The following RBM44 variants were observed in gnomAD, a reference collection of about 807,000 sequenced individuals.
RBM44 encodes the protein RNA binding motif protein 44, also known as RNA-binding protein 44.
In RBM44, 66 loss-of-function variants were observed where a neutral mutation model predicts 105.1. That is an observed-to-expected ratio of 0.63 (90% CI 0.52 to 0.77). The LOEUF (loss-of-function observed/expected upper bound fraction) is 0.77. Ranked by LOEUF, RBM44 falls within the 30% of genes least tolerant of loss-of-function variation. The pLI is 0.00. For missense variants in RBM44, 1,122 were observed against 1,207.8 expected, an observed-to-expected ratio of 0.93 and a Z score of 1.05; for synonymous variants, 365 against 417.6, an observed-to-expected ratio of 0.87 and a Z score of 1.54.
At chr2:237,822,769 T>C (rs1442898825) in intron 8 of RBM44, among the ~76,000 whole-genome samples, 2 of 152,074 alleles carry the variant, frequency 1.3e-5, no homozygotes, top group Non-Finnish European at 2.9e-5. Context: ...TTTATAATCT[T>C]GGTTTTGGCT....
chr2:237,820,419 G>A, intron 5 of RBM44, 68 bp downstream of exon 5: 1 of 969,336 alleles, frequency 1.0e-6, no homozygotes, highest in Non-Finnish European at 1.5e-6. Flanking sequence ...ATTCTAGAGA[G>A]TTTCTCTAAT....
Position 237,834,322 on chromosome 2 carries a change from A to C in RBM44, c.3077A>C (p.Lys1026Thr), listed in dbSNP as rs542544662. ...NALQEVRIRHKGFLNGLSITT... is the reference protein window; with the variant it reads ...NALQEVRIRHTGFLNGLSITT... ...CTTCAGGAAGTGAGAATAAGACATAAAGGTTTTCTGAATGGCTTATCTATT... is the reference window on the plus strand; with the variant it reads ...CTTCAGGAAGTGAGAATAAGACATACAGGTTTTCTGAATGGCTTATCTATT... The change falls in exon 15 of 16, where the codon AAA (lysine) becomes ACA (threonine). Residue 1026 changes from lysine (K) to threonine (T), a missense_variant. Lys to Thr is a moderately conservative substitution (Grantham distance 78). Transcript: ENST00000316997. 50 of 1,576,962 alleles carry C rather than the reference A, an allele frequency of 3.2e-5. No homozygotes were observed. In the East Asian group the frequency reaches 1.0e-3, roughly 33 times the overall value.
rs548429761 is a variant in RBM44, at chr2:237,841,513, C to A, written c.*23-326C>A. Among the ~76,000 whole-genome samples the A allele has an allele frequency of 1.6e-3, 244 of 152,228 alleles. 2 individuals are homozygous for A. The highest frequency in any genetic ancestry group is 3.0e-3 in the Non-Finnish European group (207 of 68,016). ...GAAATAATCTATACACTAAACCCTG[C>A]AACATGTAATTTATCTATATCGATA... is the stretch of plus-strand genomic sequence containing the variant. On this transcript the variant is annotated intron_variant, in intron 15 of 15. Coordinates refer to ENST00000316997, the MANE Select transcript of RBM44 (RefSeq NM_001080504.3). This position sits in a 1 kb window ranked among gnomAD's most constrained non-coding sequence, Gnocchi z 4.5.
At chr2:237,802,251 G>T (rs956990089) in intron 1 of RBM44, among the ~76,000 whole-genome samples, 3 of 152,140 alleles carry the variant, frequency 2.0e-5, no homozygotes, top group Admixed American at 1.3e-4. Context: ...ATTACTTAGG[G>T]CAGGGGTTCC....
At chr2:237,836,479 C>A (rs1297675704) in intron 15 of RBM44, among the ~76,000 whole-genome samples, 2 of 152,196 alleles carry the variant, frequency 1.3e-5, no homozygotes, top group Non-Finnish European at 2.9e-5. Context: ...CTGCTACTTT[C>A]TTTTTAAATT....
intron 15 of RBM44, among the ~76,000 whole-genome samples, chr2:237,839,442 T>C (rs1285679103): frequency 6.6e-6 from 1 of 152,144 alleles, no homozygotes; most frequent in East Asian, 1.9e-4. Flanking sequence ...ATCTAATTTT[T>C]GTGTTTTTAG....
Position 237,827,521 on chromosome 2 carries a change from A to T in RBM44, c.2600+18A>T. On this transcript the variant is annotated intron_variant, in intron 12 of 15. Coordinates refer to ENST00000316997, the MANE Select transcript of RBM44 (RefSeq NM_001080504.3). ...AATTACAGGTGTGTTTCCCAACTTT[A>T]ATCAATGTGCATTATTATGTGTCTG... 7.6e-7 allele frequency: 1 copy of T among 1,319,728 alleles called. No homozygotes were observed. The highest frequency in any genetic ancestry group is 1.1e-6 in the Non-Finnish European group (1 of 942,434). 81.8% of individuals were successfully genotyped at this position (1,319,728 alleles called of 1,614,324 possible).
chr2:237,825,276 G>A (rs1263185354), intron 10 of RBM44, among the ~76,000 whole-genome samples: 1 of 151,992 alleles, frequency 6.6e-6, no homozygotes, highest in African/African-American at 2.4e-5. Context: ...AGGCTGGAGT[G>A]GGTGGCACTA....
chr2:237,837,894 T>A (rs2061975514), intron 15 of RBM44, among the ~76,000 whole-genome samples: 1 of 151,376 alleles, frequency 6.6e-6, no homozygotes, highest in African/African-American at 2.4e-5. Context: ...TTTGGAATAG[T>A]ACATAAACTT....
At chr2:237,838,346 G>T (rs950254282) in intron 15 of RBM44, among the ~76,000 whole-genome samples, 1 of 152,022 alleles carries the variant, frequency 6.6e-6, no homozygotes, top group Non-Finnish European at 1.5e-5. Context: ...AAAAAACTAA[G>T]ATAATTTGTT....
intron 8 of RBM44, among the ~76,000 whole-genome samples, chr2:237,822,059 A>G (rs540945359): frequency 6.6e-6 from 1 of 152,174 alleles, no homozygotes; most frequent in Admixed American, 6.6e-5. Flanking sequence ...ACACCACACC[A>G]GGAGACTTTT....
At position 237,817,071 on chromosome 2, in the gene RBM44, A is replaced by G. The variant is rs1576504020; in HGVS notation, c.152A>G (p.Asp51Gly). ...GCDEVKLTFP[D>G]DDWNSSTLEQ... Reference sequence around the variant, plus strand: ...GATGAAGTCAAATTGACTTTTCCTGATGATGACTGGAATTCTTCGACACTA... The same window carrying G: ...GATGAAGTCAAATTGACTTTTCCTGGTGATGACTGGAATTCTTCGACACTA... The change falls in exon 3 of 16, where the codon GAT becomes GGT. Residue 51 changes from aspartate (D) to glycine (G), a missense_variant. This residue lies in a region of RBM44 where 918 missense variants were observed against 955.3 expected (regional missense o/e 0.96). Coordinates refer to ENST00000316997, the MANE Select transcript of RBM44 (RefSeq NM_001080504.3). 1.2e-6 allele frequency: 2 copies of G among 1,600,488 alleles called. No homozygotes were observed. The highest frequency in any genetic ancestry group is 1.7e-6 in the Non-Finnish European group (2 of 1,174,684).
intron 12 of RBM44, 138 bp downstream of exon 12, chr2:237,827,641 T>C: frequency 4.9e-6 from 3 of 615,544 alleles, no homozygotes; most frequent in Non-Finnish European, 5.8e-6. Flanking sequence ...GAAGGGGACA[T>C]AGGGACAAAT....
rs188723077 is a variant in RBM44, at chr2:237,842,490, A to G, written c.*674A>G. 64 of 152,200 alleles carry G rather than the reference A, an allele frequency of 4.2e-4. 1 individual carries two copies. The highest frequency in any genetic ancestry group is 1.3e-3 in the African/African-American group (55 of 41,562). The allele number at this position is 152,200 out of a possible 1,614,324, so 9.4% of individuals were successfully genotyped here. A position where few individuals can be genotyped will look rare whatever the true frequency, so the allele number is the denominator to read the frequency against. ...GCTTTGGTAAAGTACTTAAATTCCAATGTTCCCTATAGTGCTTGCATTCAT... is the reference window on the plus strand; with the variant it reads ...GCTTTGGTAAAGTACTTAAATTCCAGTGTTCCCTATAGTGCTTGCATTCAT... On this transcript the variant is annotated 3_prime_UTR_variant, in exon 16 of 16. Transcript: ENST00000316997.
At chr2:237,806,086 C>A (rs1214699778) in intron 1 of RBM44, among the ~76,000 whole-genome samples, 2 of 152,134 alleles carry the variant, frequency 1.3e-5, no homozygotes, top group Admixed American at 6.5e-5. Context: ...TTATTTATTT[C>A]TTCTTGTATT....
chr2:237,821,114 C>T lies in RBM44; in HGVS notation c.1957C>T (p.Leu653=). 1 of 1,606,482 alleles carries T rather than the reference C, an allele frequency of 6.2e-7. No homozygotes were observed. Among genetic ancestry groups the T allele is most frequent in the Non-Finnish European group, 8.5e-7 (1 of 1,177,924 alleles). Residue 653 remains leucine (L), a synonymous_variant, in exon 6 of 16, where the codon CTA becomes TTA. Coordinates refer to ENST00000316997, the MANE Select transcript of RBM44 (RefSeq NM_001080504.3). The part of the protein sequence containing the change: ...NSAKKELGSA[L]LSLLGDLKVR... Reference sequence around the variant, plus strand: ...TGCTAAGAAGGAATTGGGATCAGCACTACTGTCTCTTTTGGGGGACTTAAA... The same window carrying T: ...TGCTAAGAAGGAATTGGGATCAGCATTACTGTCTCTTTTGGGGGACTTAAA...
rs372032349 is a variant in RBM44, at chr2:237,820,294, G to A, written c.1856G>A (p.Arg619His). The A allele has an allele frequency of 1.6e-5, 25 of 1,602,852 alleles. No individual in the cohort carries two copies. Among genetic ancestry groups the A allele is most frequent in the East Asian group, 1.4e-4 (6 of 44,420 alleles). The change falls in exon 5 of 16, where the codon CGT (arginine) becomes CAT (histidine). Residue 619 changes from arginine (R) to histidine (H), a missense_variant. Coordinates refer to ENST00000316997, the MANE Select transcript of RBM44 (RefSeq NM_001080504.3). The part of the protein sequence containing the change: ...HLLNVHYQMC[R>H]RHCCDIYKLV... ...TTAAATGTTCACTATCAGATGTGTCGTCGCCATTGTTGTGATATTTACAAA... is the reference window on the plus strand; with the variant it reads ...TTAAATGTTCACTATCAGATGTGTCATCGCCATTGTTGTGATATTTACAAA...
rs552907752 is a variant in RBM44, at chr2:237,818,106, A to T, written c.1187A>T (p.Tyr396Phe). 453 of 1,612,990 alleles carry T rather than the reference A, an allele frequency of 2.8e-4. 7 individuals are homozygous for T. The South Asian group carries it at 4.7e-3, about 17-fold the overall frequency. The change falls in exon 3 of 16, where the codon TAT (tyrosine) becomes TTT (phenylalanine). Residue 396 changes from tyrosine to phenylalanine, a missense_variant. Coordinates refer to ENST00000316997, the MANE Select transcript of RBM44 (RefSeq NM_001080504.3). The surrounding 1 kb of genome is among the most constrained non-coding windows in gnomAD (Gnocchi z 4.6). ...DDSIISACGY[Y>F]ESLQNTADSA... ...TCGATAATTTCTGCCTGTGGATATTATGAAAGCCTACAAAACACTGCTGAC... is the reference window on the plus strand; with the variant it reads ...TCGATAATTTCTGCCTGTGGATATTTTGAAAGCCTACAAAACACTGCTGAC...
intron 8 of RBM44, among the ~76,000 whole-genome samples, chr2:237,823,068 A>G (rs2061810144): frequency 6.6e-6 from 1 of 151,816 alleles, no homozygotes; most frequent in Admixed American, 6.6e-5. Context: ...GCATACGCTA[A>G]ATTAAATATA....
Sources: allele counts gnomAD v4.1 joint callset (sites outside exome capture counted in the v4.1 genomes callset), GRCh38; gene constraint gnomAD v4.1.1; regional missense constraint gnomAD v4.1.1; non-coding constraint Gnocchi (gnomAD v3.1); transcripts MANE v1.5; gene names NCBI Gene and HGNC (gene_info 2026-07-23, HGNC 2026-07-21).